The following RBFOX1 variants were observed in gnomAD, a reference collection of about 807,000 sequenced individuals.
RBFOX1 encodes the protein RNA binding protein fox-1 homolog 1.
Under a neutral mutation model 57.7 loss-of-function variants are expected in RBFOX1, and 8 were observed. The observed-to-expected ratio is 0.14, with a 90% CI of 0.08 to 0.25. RBFOX1 has a LOEUF of 0.25. Among genes scored for constraint, RBFOX1 ranks in the 10% least tolerant of loss-of-function variants. The probability of loss-of-function intolerance (pLI) is 1.00; values close to 1 mark genes in which losing one functional copy is unlikely to be tolerated. For missense variants in RBFOX1, 611 were observed against 548.5 expected, an observed-to-expected ratio of 1.11 and a Z score of -1.14; for synonymous variants, 326 against 222.4, an observed-to-expected ratio of 1.47 and a Z score of -4.15.
At chr16:6,315,820 T>C (rs2081049357) in intron 1 of RBFOX1, among the ~76,000 whole-genome samples, 1 of 152,152 alleles carries the variant, frequency 6.6e-6, no homozygotes, top group African/African-American at 2.4e-5. Context: ...CTTGATGTTT[T>C]TAGGTGTTGT....
At chr16:5,376,536 C>T (rs928394683) in intron 1 of RBFOX1, among the ~76,000 whole-genome samples, 6 of 152,086 alleles carry the variant, frequency 3.9e-5, no homozygotes, top group African/African-American at 1.4e-4. Flanking sequence ...TCGGGAAAGG[C>T]AGCAGAGGAG....
At chr16:5,641,129 C>A (rs577304306) in intron 3 of RBFOX1, among the ~76,000 whole-genome samples, 156 of 151,942 alleles carry the variant, frequency 1.0e-3, no homozygotes, top group Non-Finnish European at 1.7e-3. Flanking sequence ...TGCATACACA[C>A]ATGCACACCA....
intron 1 of RBFOX1, among the ~76,000 whole-genome samples, chr16:6,300,759 G>T (rs1009688357): frequency 6.6e-6 from 1 of 152,150 alleles, no homozygotes; most frequent in Non-Finnish European, 1.5e-5. Flanking sequence ...CATTATCACA[G>T]TTGCCACTTT....
chr16:6,231,051 C>G (rs1476692453), intron 1 of RBFOX1, among the ~76,000 whole-genome samples: 2 of 152,032 alleles, frequency 1.3e-5, no homozygotes, highest in Non-Finnish European at 2.9e-5. Flanking sequence ...AATAGACTAT[C>G]CAGATAGAAA....
At chr16:5,378,944 T>C (rs143539878) in intron 1 of RBFOX1, among the ~76,000 whole-genome samples, 1 of 151,698 alleles carries the variant, frequency 6.6e-6, no homozygotes, top group East Asian at 1.9e-4. Flanking sequence ...CTGAAAACCA[T>C]TCCCTTACTC....
At chr16:7,557,619 C>CAAAAAAAAAAAAAAAAAAAAAAAAAAAAA in intron 5 of RBFOX1, among the ~76,000 whole-genome samples, 1 of 40,762 alleles carries the variant, frequency 2.5e-5, no homozygotes, top group Non-Finnish European at 4.5e-5. Context: ...GACTCTGTCT[C>CAAAAAAAAAAAAAAAAAAAAAAAAAAAAA]AAAAAAAAAA....
intron 1 of RBFOX1, among the ~76,000 whole-genome samples, chr16:5,462,618 A>G (rs1172661359): frequency 1.3e-5 from 2 of 152,154 alleles, no homozygotes; most frequent in Non-Finnish European, 2.9e-5. Flanking sequence ...AAAATGTGGT[A>G]TTTTTAGGAA....
chr16:6,832,880 C>G (rs372646139), intron 3 of RBFOX1, among the ~76,000 whole-genome samples: 2 of 152,200 alleles, frequency 1.3e-5, no homozygotes, highest in South Asian at 2.1e-4. Flanking sequence ...GACCTTGGTT[C>G]TGGATTGACA....
intron 2 of RBFOX1, among the ~76,000 whole-genome samples, chr16:6,333,133 G>T (rs541642365): frequency 6.6e-6 from 1 of 152,068 alleles, no homozygotes; most frequent in East Asian, 1.9e-4. Flanking sequence ...TCTGTCTCCC[G>T]GGCTCAAGCA....
intron 4 of RBFOX1, among the ~76,000 whole-genome samples, chr16:7,314,336 A>G (rs948570736): frequency 1.3e-5 from 2 of 152,124 alleles, no homozygotes; most frequent in Admixed American, 1.3e-4. Context: ...TCATAACGGA[A>G]TTTCAGGGAG....
chr16:7,408,510 C>G (rs529174626), intron 4 of RBFOX1, among the ~76,000 whole-genome samples: 3 of 152,280 alleles, frequency 2.0e-5, no homozygotes, highest in Non-Finnish European at 4.4e-5. Flanking sequence ...GTAGCTAATT[C>G]CCGACACTTT....
chr16:5,923,916 G>C (rs1170518826), intron 4 of RBFOX1, among the ~76,000 whole-genome samples: 1 of 152,058 alleles, frequency 6.6e-6, no homozygotes, highest in East Asian at 1.9e-4. Flanking sequence ...CTTTCCTACT[G>C]ACATGGTTTG....
At chr16:5,614,615 C>A (rs1034674162) in intron 3 of RBFOX1, among the ~76,000 whole-genome samples, 11 of 152,168 alleles carry the variant, frequency 7.2e-5, no homozygotes, top group African/African-American at 2.7e-4. Context: ...GACGATACAT[C>A]TCCCTGTTCA....
intron 1 of RBFOX1, among the ~76,000 whole-genome samples, chr16:6,275,519 G>C (rs1301368279): frequency 2.0e-5 from 3 of 152,078 alleles, no homozygotes; most frequent in Non-Finnish European, 2.9e-5. Context: ...TCACATCTGA[G>C]GGCACTGAGA....
chr16:6,903,282 A>AG (rs2068925577), intron 3 of RBFOX1, among the ~76,000 whole-genome samples: 1 of 152,298 alleles, frequency 6.6e-6, no homozygotes, highest in African/African-American at 2.4e-5. Context: ...TATGGCCAGG[A>AG]GGGCTGACCG....
chr16:7,454,801 C>G (rs990768733), intron 4 of RBFOX1, among the ~76,000 whole-genome samples: 3 of 152,192 alleles, frequency 2.0e-5, no homozygotes, highest in Non-Finnish European at 2.9e-5. Flanking sequence ...TGAGATTCCT[C>G]TTGACCTTCT....
intron 4 of RBFOX1, among the ~76,000 whole-genome samples, chr16:7,288,180 C>T (rs1200212935): frequency 6.6e-6 from 1 of 152,178 alleles, no homozygotes; most frequent in East Asian, 1.9e-4. Context: ...GGAAGCGGCA[C>T]CTACCTCAAC....
At chr16:6,580,962 A>G (rs776874632) in intron 2 of RBFOX1, among the ~76,000 whole-genome samples, 27 of 151,486 alleles carry the variant, frequency 1.8e-4, no homozygotes, top group Non-Finnish European at 3.1e-4. Flanking sequence ...TGCAAAGGCA[A>G]GCTTCTGAAG....
intron 2 of RBFOX1, among the ~76,000 whole-genome samples, chr16:6,349,456 T>C (rs1599917076): frequency 6.6e-6 from 1 of 152,248 alleles, no homozygotes; most frequent in East Asian, 1.9e-4. Context: ...CCCCATAGAA[T>C]TAAAATAATG....
Sources: gnomAD v4.1 joint callset for allele counts (sites outside exome capture counted in the v4.1 genomes callset) on GRCh38, gnomAD v4.1.1 for gene constraint, MANE v1.5 for transcripts, NCBI Gene and HGNC (gene_info 2026-07-23, HGNC 2026-07-21) for gene names.